SGCZ: variants seen among roughly 807,000 people sequenced by gnomAD.
SGCZ encodes the protein sarcoglycan zeta.
In SGCZ, 40 loss-of-function variants were observed where a neutral mutation model predicts 41.3. That is an observed-to-expected ratio of 0.97 (90% confidence interval 0.75 to 1.26). The LOEUF is 1.26. Ranked by LOEUF, SGCZ falls within the 50% of genes most tolerant of loss-of-function variation. The pLI, the probability that SGCZ is intolerant of heterozygous loss-of-function variation, is 0.00. For synonymous variants in SGCZ, 206 were observed against 137.5 expected (o/e 1.50, Z -3.49); for missense variants, 552 against 369.8 (o/e 1.49, Z -4.04).
At chr8:14,462,107 G>T (rs1324878262) in intron 2 of SGCZ, among the ~76,000 whole-genome samples, 1 of 151,766 alleles carries the variant, frequency 6.6e-6, no homozygotes, top group African/African-American at 2.4e-5. Context: ...CAGAATAATT[G>T]ACTCTTCTCA....
Position 14,286,331 on chromosome 8 carries a change from G to A in SGCZ, c.336+37772C>T, listed in dbSNP as rs899391358. ...CTTTTCATTAAGCCTTGTCCAACTA[G>A]CATAGTTACAAACAAACTCACCATT... is the stretch of plus-strand genomic sequence containing the variant. On this transcript the variant is annotated intron_variant, in intron 3 of 7. Coordinates refer to ENST00000382080, the MANE Select transcript of SGCZ (RefSeq NM_139167.4). Among the ~76,000 whole-genome samples the A allele has an allele frequency of 1.4e-4, 22 of 152,140 alleles. No homozygotes were observed. In the East Asian group the frequency reaches 4.1e-3, roughly 28 times the overall value.
rs1799400324 is a variant in SGCZ at position 14,748,396 on chromosome 8, A to G, written c.40-193470T>C. 2.6e-5 allele frequency among the ~76,000 whole-genome samples: 4 copies of G among 152,204 alleles called. No individual in the cohort carries two copies. In the South Asian group the frequency reaches 8.3e-4, roughly 32 times the overall value. Reference sequence around the variant, plus strand: ...AATGGGCAAGCAAACAAATAGTTTCATCCTGACTTCTATCCTTTAGGTTGT... The same window carrying G: ...AATGGGCAAGCAAACAAATAGTTTCGTCCTGACTTCTATCCTTTAGGTTGT... On this transcript the variant is annotated intron_variant, in intron 1 of 7. Transcript: ENST00000382080.
intron 1 of SGCZ, among the ~76,000 whole-genome samples, chr8:14,804,670 G>A (rs929804137): frequency 1.4e-4 from 20 of 140,374 alleles, no homozygotes; most frequent in Non-Finnish European, 3.0e-4. Flanking sequence ...ATATTATCCA[G>A]GAGAACTTCC....
chr8:14,687,185 T>C (rs148195661), intron 1 of SGCZ, among the ~76,000 whole-genome samples: 2,944 of 147,326 alleles, frequency 0.02, 91 homozygotes, highest in African/African-American at 0.068. Context: ...TATATATATA[T>C]ATATATTTTA....
At chr8:14,470,935 C>T (rs935832956) in intron 2 of SGCZ, among the ~76,000 whole-genome samples, 3 of 152,140 alleles carry the variant, frequency 2.0e-5, no homozygotes, top group Non-Finnish European at 4.4e-5. Flanking sequence ...CTTTAGTAAG[C>T]TTGGCCCCAG....
At chr8:14,510,102 G>C (rs947799144) in intron 2 of SGCZ, among the ~76,000 whole-genome samples, 68 of 152,104 alleles carry the variant, frequency 4.5e-4, no homozygotes, top group African/African-American at 1.6e-3. Context: ...GAAGAAGGCA[G>C]AACAAAGACT....
chr8:15,228,295 A>G (rs1219518987), intron 1 of SGCZ, among the ~76,000 whole-genome samples: 1 of 152,232 alleles, frequency 6.6e-6, no homozygotes, highest in Non-Finnish European at 1.5e-5. Context: ...TGTATTTCAC[A>G]CACTGTAATT....
At chr8:14,288,012 G>T (rs1318895188) in intron 3 of SGCZ, among the ~76,000 whole-genome samples, 1 of 152,036 alleles carries the variant, frequency 6.6e-6, no homozygotes, top group Non-Finnish European at 1.5e-5. Context: ...CTATTTATGA[G>T]AAGTAAATTT....
At chr8:14,632,512 T>C (rs1806691476) in intron 1 of SGCZ, among the ~76,000 whole-genome samples, 1 of 152,108 alleles carries the variant, frequency 6.6e-6, no homozygotes, top group African/African-American at 2.4e-5. Flanking sequence ...TACACTATTT[T>C]GAAGAAGTTG....
intron 2 of SGCZ, among the ~76,000 whole-genome samples, chr8:14,326,441 G>A (rs1313051851): frequency 2.0e-5 from 3 of 152,060 alleles, no homozygotes; most frequent in East Asian, 1.9e-4. Flanking sequence ...AGAATTGAAG[G>A]ACTCTTTAAA....
At chr8:14,926,445 T>A (rs1799752088) in intron 1 of SGCZ, among the ~76,000 whole-genome samples, 1 of 152,194 alleles carries the variant, frequency 6.6e-6, no homozygotes, top group African/African-American at 2.4e-5. Flanking sequence ...ATAAGTATCA[T>A]CCCTATCAAA....
chr8:14,839,913 C>T (rs1301969022), intron 1 of SGCZ, among the ~76,000 whole-genome samples: 1 of 152,070 alleles, frequency 6.6e-6, no homozygotes, highest in African/African-American at 2.4e-5. Flanking sequence ...ATGATATTAA[C>T]ATTTTCTATA....
At chr8:14,700,051 T>G (rs575813311) in intron 1 of SGCZ, among the ~76,000 whole-genome samples, 1 of 152,112 alleles carries the variant, frequency 6.6e-6, no homozygotes, top group South Asian at 2.1e-4. Context: ...GATTGGAGAT[T>G]TCTCGAAGAA....
intron 1 of SGCZ, among the ~76,000 whole-genome samples, chr8:14,755,787 C>T (rs1013310497): frequency 6.6e-6 from 1 of 151,990 alleles, no homozygotes; most frequent in African/African-American, 2.4e-5. Flanking sequence ...ACTGTAGATG[C>T]AGCCCATGTC....
At chr8:14,142,449 C>G (rs78540368) in intron 5 of SGCZ, among the ~76,000 whole-genome samples, 2,258 of 152,232 alleles carry the variant, frequency 0.015, 27 homozygotes, top group Middle Eastern at 0.024. Flanking sequence ...AAAATACACA[C>G]ATGATGATAT....
chr8:14,826,555 G>A (rs1441964504), intron 1 of SGCZ, among the ~76,000 whole-genome samples: 1 of 152,166 alleles, frequency 6.6e-6, no homozygotes, highest in Non-Finnish European at 1.5e-5. Flanking sequence ...CACCAACAGT[G>A]TAGAAGTGTT....
chr8:15,067,758 C>T (rs1182851471), intron 1 of SGCZ, among the ~76,000 whole-genome samples: 7 of 152,058 alleles, frequency 4.6e-5, no homozygotes, highest in African/African-American at 1.7e-4. Context: ...CTATTCTATG[C>T]CATGCACTGT....
At chr8:15,188,277 T>C (rs181983856) in intron 1 of SGCZ, among the ~76,000 whole-genome samples, 2 of 152,198 alleles carry the variant, frequency 1.3e-5, no homozygotes, top group Non-Finnish European at 2.9e-5. Context: ...ATATCCTCTT[T>C]TGCAATCCTA....
At chr8:14,615,256 C>G (rs191272010) in intron 1 of SGCZ, among the ~76,000 whole-genome samples, 1 of 152,200 alleles carries the variant, frequency 6.6e-6, no homozygotes. Flanking sequence ...TAGTTTAGTT[C>G]AAACTAAGAA....
Sources: gnomAD v4.1 joint callset for allele counts (sites outside exome capture counted in the v4.1 genomes callset) on GRCh38, gnomAD v4.1.1 for gene constraint, MANE v1.5 for transcripts, NCBI Gene and HGNC (gene_info 2026-07-23, HGNC 2026-07-21) for gene names.